The following LTBP1 variants were observed in gnomAD, a reference collection of about 807,000 sequenced individuals.
LTBP1 encodes the protein latent-transforming growth factor beta-binding protein 1.
Under a neutral mutation model 207.6 loss-of-function variants are expected in LTBP1, and 129 were observed. That is an observed-to-expected ratio of 0.62 (90% CI 0.54 to 0.72). The LOEUF is 0.72. Among genes scored for constraint, LTBP1 ranks in the 30% least tolerant of loss-of-function variants. The probability of loss-of-function intolerance (pLI) is 0.00; values close to 1 mark genes in which losing one functional copy is unlikely to be tolerated. For synonymous variants in LTBP1, 963 were observed against 833.7 expected (o/e 1.16, Z -2.67); for missense variants, 2,281 against 2,217.2 (o/e 1.03, Z -0.58).
chr2:33,237,381 A>G (rs1245387788), intron 9 of LTBP1, among the ~76,000 whole-genome samples: 2 of 152,176 alleles, frequency 1.3e-5, no homozygotes, highest in Non-Finnish European at 2.9e-5. Flanking sequence ...GTTTTGTGTA[A>G]AATACCTTGG....
intron 7 of LTBP1, among the ~76,000 whole-genome samples, chr2:33,194,685 C>A (rs1344652850): frequency 6.6e-6 from 1 of 152,186 alleles, no homozygotes; most frequent in Non-Finnish European, 1.5e-5. Context: ...CATAAAAGTA[C>A]AAGGAGAAGC....
intron 31 of LTBP1, among the ~76,000 whole-genome samples, chr2:33,386,561 G>A (rs2095266966): frequency 6.6e-6 from 1 of 152,150 alleles, no homozygotes; most frequent in Non-Finnish European, 1.5e-5. Flanking sequence ...ACGGCAGCTC[G>A]CACCTGTAAT....
At chr2:32,983,920 T>A (rs751235626) in intron 2 of LTBP1, among the ~76,000 whole-genome samples, 1 of 152,236 alleles carries the variant, frequency 6.6e-6, no homozygotes, top group Non-Finnish European at 1.5e-5. Flanking sequence ...ATCCTTTCTT[T>A]TATTCAAGTC....
intron 3 of LTBP1, among the ~76,000 whole-genome samples, chr2:33,044,963 G>GT (rs895965679): frequency 2.4e-4 from 36 of 149,906 alleles, no homozygotes; most frequent in East Asian, 7.8e-4. Flanking sequence ...GGGTTGTTTG[G>GT]TTTTTTTTTC....
chr2:33,340,547 G>T lies in LTBP1; in HGVS notation c.3731-2291G>T, dbSNP rs528643707. The stretch of plus-strand genomic sequence containing the variant: ...GAGTGGGCATTCAGCCAGACTCGGA[G>T]GTCAGGGGTGACTGACCGGAAGATG... On this transcript the variant is annotated intron_variant, in intron 24 of 33. Transcript: ENST00000404816. 5.3e-5 allele frequency among the ~76,000 whole-genome samples: 8 copies of T among 152,308 alleles called. No homozygotes were observed. The South Asian group carries it at 1.7e-3, about 32-fold the overall frequency.
chr2:33,237,922 G>A (rs1210186071), intron 9 of LTBP1, among the ~76,000 whole-genome samples: 1 of 152,152 alleles, frequency 6.6e-6, no homozygotes, highest in East Asian at 1.9e-4. Flanking sequence ...AACATCTGAA[G>A]GCTGAAGATC....
intron 3 of LTBP1, among the ~76,000 whole-genome samples, chr2:33,090,266 T>G (rs1294298305): frequency 1.3e-5 from 2 of 152,264 alleles, no homozygotes; most frequent in Non-Finnish European, 2.9e-5. Flanking sequence ...TTTATTATCA[T>G]TGGCTTGAAA....
chr2:33,282,560 T>A (rs901248234), intron 19 of LTBP1, among the ~76,000 whole-genome samples: 1 of 152,230 alleles, frequency 6.6e-6, no homozygotes, highest in Non-Finnish European at 1.5e-5. Flanking sequence ...GGTTGGAATT[T>A]TCTGCTAAAC....
intron 16 of LTBP1, among the ~76,000 whole-genome samples, chr2:33,274,162 AT>A (rs1368050588): frequency 1.3e-5 from 2 of 152,066 alleles, no homozygotes; most frequent in Non-Finnish European, 2.9e-5. Flanking sequence ...ATAAGACTTG[AT>A]TTTTTTAAAG....
chr2:33,352,984 T>C (rs2094803480), intron 26 of LTBP1, among the ~76,000 whole-genome samples: 2 of 144,014 alleles, frequency 1.4e-5, no homozygotes, highest in Admixed American at 6.9e-5. Flanking sequence ...TTTTTTTTTT[T>C]TTTTTTTTTT....
At chr2:33,273,609 TG>T (rs1335866336) in intron 15 of LTBP1, 46 bp from the exon 16 acceptor site, 2 of 1,494,586 alleles carry the variant, frequency 1.3e-6, no homozygotes, top group African/African-American at 2.8e-5. Flanking sequence ...CAGTGAAATC[TG>T]TTCATTTCTG....
chr2:33,341,729 A>AAAAAAAAAAATAT (rs745445793), intron 24 of LTBP1, among the ~76,000 whole-genome samples: 1 of 93,636 alleles, frequency 1.1e-5, no homozygotes, highest in African/African-American at 5.1e-5. Flanking sequence ...AAAAAAAAAA[A>AAAAAAAAAAATAT]ATATATATAT....
intron 9 of LTBP1, among the ~76,000 whole-genome samples, chr2:33,224,528 T>C (rs1316257077): frequency 6.6e-6 from 1 of 152,206 alleles, no homozygotes; most frequent in Non-Finnish European, 1.5e-5. Context: ...TCCTTACGTA[T>C]TTAGCGTAAT....
chr2:32,996,218 C>G (rs1047869342), intron 2 of LTBP1, among the ~76,000 whole-genome samples: 5 of 152,152 alleles, frequency 3.3e-5, no homozygotes, highest in African/African-American at 1.2e-4. Context: ...AAGTCAAGAT[C>G]AGGGTGCCAG....
intron 3 of LTBP1, among the ~76,000 whole-genome samples, chr2:33,051,804 T>C (rs1318476850): frequency 1.3e-5 from 2 of 152,188 alleles, no homozygotes; most frequent in Admixed American, 1.3e-4. Flanking sequence ...TACATCTTGC[T>C]CAATCTGCTA....
intron 2 of LTBP1, among the ~76,000 whole-genome samples, chr2:33,013,755 AT>A (rs1187753038): frequency 6.6e-6 from 1 of 152,010 alleles, no homozygotes; most frequent in Non-Finnish European, 1.5e-5. Context: ...CTGACCACCT[AT>A]TTTAAATTAC....
At chr2:33,115,614 CTAGGGATGGTGTGGGG>C (rs2080698955) in intron 4 of LTBP1, among the ~76,000 whole-genome samples, 1 of 152,024 alleles carries the variant, frequency 6.6e-6, no homozygotes, top group Non-Finnish European at 1.5e-5. Context: ...TCTCAGAAGT[CTAGGGATGGTGTGGGG>C]TAGGGGTGGG....
intron 3 of LTBP1, among the ~76,000 whole-genome samples, chr2:33,023,714 G>T (rs895457413): frequency 2.0e-5 from 3 of 152,156 alleles, no homozygotes; most frequent in African/African-American, 7.2e-5. Context: ...ATCCAGTCCT[G>T]CTCTTAAGGA....
At chr2:33,370,429 C>T (rs1006158144) in intron 31 of LTBP1, among the ~76,000 whole-genome samples, 2 of 152,148 alleles carry the variant, frequency 1.3e-5, no homozygotes, top group African/African-American at 4.8e-5. Context: ...TTCTCACTTG[C>T]AAAAGATGGG....
Sources: gnomAD v4.1 joint callset for allele counts (sites outside exome capture counted in the v4.1 genomes callset) on GRCh38, gnomAD v4.1.1 for gene constraint, MANE v1.5 for transcripts, NCBI Gene and HGNC (gene_info 2026-07-23, HGNC 2026-07-21) for gene names.